CDC40: variants seen among roughly 807,000 people sequenced by gnomAD.
The protein encoded by CDC40 is cell division cycle 40.
In CDC40, 27 loss-of-function variants were observed where a neutral mutation model predicts 80.6. That is an observed-to-expected ratio of 0.33 (90% CI 0.25 to 0.46). CDC40 has a LOEUF of 0.46. Ranked by LOEUF, CDC40 falls within the 20% of genes least tolerant of loss-of-function variation. CDC40 has a pLI of 1.00. For synonymous variants in CDC40, 221 were observed against 232.6 expected, an observed-to-expected ratio of 0.95 and a Z score of 0.45; for missense variants, 486 against 694.1, an observed-to-expected ratio of 0.70 and a Z score of 3.37.
chr6:110,190,781 G>T (rs1327761812), intron 1 of CDC40, among the ~76,000 whole-genome samples: 3 of 152,090 alleles, frequency 2.0e-5, no homozygotes, highest in African/African-American at 7.2e-5. Context: ...CGAGGCTGGT[G>T]GTGAGTCAGC....
At chr6:110,212,007 G>A in intron 6 of CDC40, 126 bp from the exon 7 acceptor site, 2 of 682,360 alleles carry the variant, frequency 2.9e-6, no homozygotes, top group South Asian at 4.0e-5. Context: ...GACATCATTG[G>A]AGTGTTATTA....
At chr6:110,207,684 T>G in intron 4 of CDC40, 95 bp downstream of exon 4, 1 of 712,296 alleles carries the variant, frequency 1.4e-6, no homozygotes, top group Non-Finnish European at 2.5e-6. Flanking sequence ...AAAATAGTAT[T>G]TAGCGCTTTT....
At position 110,217,774 on chromosome 6, in the gene CDC40, G is replaced by T. The variant is rs1431578879; in HGVS notation, c.1061G>T (p.Arg354Met). 1 of 1,593,582 alleles carries T rather than the reference G, an allele frequency of 6.3e-7. No individual in the cohort carries two copies. Among genetic ancestry groups the T allele is most frequent in the Non-Finnish European group, 8.6e-7 (1 of 1,161,400 alleles). The change falls in exon 10 of 15, where the codon AGG becomes ATG. Residue 354 changes from arginine to methionine, a missense_variant. Physicochemically the swap from Arg to Met is moderately conservative, Grantham distance 91. This residue lies in a region of CDC40 where 381 missense variants were observed against 492.1 expected (regional missense o/e 0.77). Coordinates refer to ENST00000307731, the MANE Select transcript of CDC40 (RefSeq NM_015891.3). ...CAGTTCCTCAGTGCAGCCTATGACAGGTATCTTAAGCTCTGGGACACTGAG... is the reference window on the plus strand; with the variant it reads ...CAGTTCCTCAGTGCAGCCTATGACATGTATCTTAAGCTCTGGGACACTGAG... ...GTQFLSAAYDRYLKLWDTETG... is the reference protein window; with the variant it reads ...GTQFLSAAYDMYLKLWDTETG...
intron 1 of CDC40, among the ~76,000 whole-genome samples, chr6:110,183,573 T>C (rs1465137722): frequency 6.6e-6 from 1 of 152,210 alleles, no homozygotes; most frequent in Non-Finnish European, 1.5e-5. Context: ...TGCTCATTGT[T>C]GGTTTATGAA....
At chr6:110,220,016 T>G in intron 12 of CDC40, 147 bp downstream of exon 12, 1 of 716,288 alleles carries the variant, frequency 1.4e-6, no homozygotes, top group Non-Finnish European at 2.2e-6. Flanking sequence ...TTTTAACTAT[T>G]TAAGTACTGA....
chr6:110,184,505 T>C (rs562113078), intron 1 of CDC40, among the ~76,000 whole-genome samples: 20 of 152,240 alleles, frequency 1.3e-4, no homozygotes, highest in Non-Finnish European at 2.5e-4. Flanking sequence ...ATTGTATTTT[T>C]CATTTATTTA....
chr6:110,209,957 C>T (rs1434999117), intron 5 of CDC40, among the ~76,000 whole-genome samples: 3 of 152,058 alleles, frequency 2.0e-5, no homozygotes, highest in African/African-American at 7.2e-5. Flanking sequence ...CTTCTGTCCC[C>T]AGCTCCTCCC....
chr6:110,188,017 C>T (rs1323690007), intron 1 of CDC40, among the ~76,000 whole-genome samples: 2 of 152,104 alleles, frequency 1.3e-5, no homozygotes, highest in African/African-American at 2.4e-5. Context: ...GAGAGTTGTT[C>T]AATTTGTTCT....
intron 1 of CDC40, among the ~76,000 whole-genome samples, chr6:110,186,120 C>G (rs1007925906): frequency 1.3e-5 from 2 of 152,206 alleles, no homozygotes; most frequent in African/African-American, 4.8e-5. Flanking sequence ...CACACATCCT[C>G]CACAAGATGA....
At chr6:110,195,330 T>TA (rs150370637) in intron 2 of CDC40, among the ~76,000 whole-genome samples, 11,022 of 152,192 alleles carry the variant, frequency 0.072, 543 homozygotes, top group African/African-American at 0.14. Context: ...GTGTTTTTTT[T>TA]AAAAAGATAG....
rs767953935 is a variant in CDC40 at position 110,228,840 on chromosome 6, C to A, written c.1426C>A (p.Leu476Ile). The A allele has an allele frequency of 6.3e-7, 1 of 1,580,068 alleles. No individual in the cohort carries two copies. The highest frequency in any genetic ancestry group is 1.2e-5 in the South Asian group (1 of 83,200). Residue 476 changes from leucine to isoleucine, a missense_variant, in exon 14 of 15, where the codon CTA (leucine) becomes ATA (isoleucine). By Grantham distance (5) the Leu-to-Ile change is conservative. Around this residue, in one of 3 missense-constraint regions of CDC40, gnomAD observed 88 missense variants for 138.7 expected, o/e 0.63. Transcript: ENST00000307731. Reference protein sequence around the residue: ...AVTLSPNGKWLACQSMDNQIL... With the variant: ...AVTLSPNGKWIACQSMDNQIL... ...ATTTATTGAATTTACAGGAAAATGG[C>A]TAGCATGCCAATCAATGGACAACCA...
At chr6:110,219,311 T>C (rs1777737894) in intron 10 of CDC40, 53 bp from the exon 11 acceptor site, 1 of 827,938 alleles carries the variant, frequency 1.2e-6, no homozygotes, top group Admixed American at 2.1e-5. Context: ...CTCACAGTCA[T>C]CTTTAAGTGG....
At chr6:110,197,411 C>T (rs1216765682) in intron 2 of CDC40, among the ~76,000 whole-genome samples, 1 of 152,156 alleles carries the variant, frequency 6.6e-6, no homozygotes, top group Non-Finnish European at 1.5e-5. Flanking sequence ...ATATGCATTA[C>T]TTCATGTACT....
intron 13 of CDC40, among the ~76,000 whole-genome samples, chr6:110,227,862 T>C (rs1434395259): frequency 6.6e-6 from 1 of 152,174 alleles, no homozygotes; most frequent in Non-Finnish European, 1.5e-5. Flanking sequence ...ATTTTGGTAT[T>C]GGGTAGGGGT....
At chr6:110,211,855 G>T (rs1300707661) in intron 6 of CDC40, 1 of 260,098 alleles carries the variant, frequency 3.8e-6, no homozygotes, top group East Asian at 7.9e-5. Context: ...AGATCACTAA[G>T]ATGTGTAAGT....
chr6:110,186,955 G>A (rs1329935867), intron 1 of CDC40, among the ~76,000 whole-genome samples: 2 of 152,090 alleles, frequency 1.3e-5, no homozygotes, highest in African/African-American at 4.8e-5. Context: ...TCCAGTATAT[G>A]TATGACAATG....
At position 110,228,949 on chromosome 6, in the gene CDC40, G is replaced by T; in HGVS notation, c.1535G>T (p.Cys512Phe). 6.2e-7 allele frequency: 1 copy of T among 1,605,488 alleles called. No homozygotes were observed. Among genetic ancestry groups the T allele is most frequent in the Non-Finnish European group, 8.5e-7 (1 of 1,177,480 alleles). Reference sequence around the variant, plus strand: ...GGCCATATGGTAGCAGGCTATGCTTGTCAGGTGGACTTTTCACCAGACATG... The same window carrying T: ...GGCCATATGGTAGCAGGCTATGCTTTTCAGGTGGACTTTTCACCAGACATG... ...FKGHMVAGYA[C>F]QVDFSPDMSY... The change falls in exon 14 of 15, where the codon TGT becomes TTT. Residue 512 changes from cysteine to phenylalanine, a missense_variant. Physicochemically the swap from Cys to Phe is radical, Grantham distance 205. This residue lies in a region of CDC40 where 88 missense variants were observed against 138.7 expected (regional missense o/e 0.63). Coordinates refer to ENST00000307731, the MANE Select transcript of CDC40 (RefSeq NM_015891.3).
At chr6:110,209,009 G>A (rs1584074245) in intron 4 of CDC40, 75 bp from the exon 5 acceptor site, 5 of 909,660 alleles carry the variant, frequency 5.5e-6, no homozygotes, top group Non-Finnish European at 8.2e-6. Flanking sequence ...TTAAACATAT[G>A]TTCATATTTC....
rs1229193656 is a variant in CDC40, at chr6:110,231,583, A to C, written c.*1452A>C. The C allele has an allele frequency of 6.6e-6, 1 of 152,230 alleles. No homozygotes were observed. The highest frequency in any genetic ancestry group is 1.5e-5 in the Non-Finnish European group (1 of 68,040). The allele number at this position is 152,230 out of a possible 1,614,324, so 9.4% of individuals were successfully genotyped here. ...AAGCCATTTTTCCTGTTTTATTATA[A>C]ATCTATATTAGATGTTTGAATATGG... On this transcript the variant is annotated 3_prime_UTR_variant, in exon 15 of 15. Transcript: ENST00000307731.
Sources: gnomAD v4.1 joint callset for allele counts (sites outside exome capture counted in the v4.1 genomes callset) on GRCh38, gnomAD v4.1.1 for gene constraint, gnomAD v4.1.1 regional missense constraint, MANE v1.5 for transcripts, NCBI Gene and HGNC (gene_info 2026-07-23, HGNC 2026-07-21) for gene names.